SGIP1: variants seen among roughly 807,000 people sequenced by gnomAD.
The protein encoded by SGIP1 is SH3-containing GRB2-like protein 3-interacting protein 1.
SGIP1 carries 38 observed loss-of-function variants against 107.5 expected under a neutral mutation model. The ratio of observed to expected loss-of-function variants is 0.35; its 90% CI spans 0.27 to 0.46. The LOEUF (loss-of-function observed/expected upper bound fraction) is 0.46, where lower values mean the gene tolerates loss of function less well. SGIP1 is among the 20% of genes least tolerant of loss of function. The pLI, the probability that SGIP1 is intolerant of heterozygous loss-of-function variation, is 1.00. For synonymous variants in SGIP1, 365 were observed against 366.1 expected, an observed-to-expected ratio of 1.00 and a Z score of 0.03; for missense variants, 929 against 1,019.5, an observed-to-expected ratio of 0.91 and a Z score of 1.21.
intron 1 of SGIP1, among the ~76,000 whole-genome samples, chr1:66,550,365 T>G (rs1158009890): frequency 6.6e-6 from 1 of 152,184 alleles, no homozygotes; most frequent in African/African-American, 2.4e-5. Context: ...AAGTTTCTCA[T>G]AACTGGCTTT....
intron 19 of SGIP1, among the ~76,000 whole-genome samples, chr1:66,728,648 C>T (rs1036548206): frequency 1.3e-5 from 2 of 152,130 alleles, no homozygotes; most frequent in Non-Finnish European, 2.9e-5. Context: ...AAGACACATG[C>T]ATTGGTATGT....
intron 7 of SGIP1, among the ~76,000 whole-genome samples, chr1:66,658,173 G>T (rs564294304): frequency 1.1e-4 from 16 of 152,218 alleles, no homozygotes; most frequent in African/African-American, 3.6e-4. Context: ...TTTAGAAAAG[G>T]CTGAGAAATT....
chr1:66,728,671 T>C (rs1233833079), intron 19 of SGIP1, among the ~76,000 whole-genome samples: 1 of 152,156 alleles, frequency 6.6e-6, no homozygotes, highest in African/African-American at 2.4e-5. Context: ...ATTGCAGTAC[T>C]CTTCACAATA....
At chr1:66,641,227 C>T (rs1301513628) in intron 5 of SGIP1, among the ~76,000 whole-genome samples, 1 of 152,078 alleles carries the variant, frequency 6.6e-6, no homozygotes, top group Non-Finnish European at 1.5e-5. Context: ...AAAAGGGCAA[C>T]TATGGAAGGT....
At chr1:66,696,676 C>T (rs2090986397) in intron 18 of SGIP1, among the ~76,000 whole-genome samples, 1 of 152,190 alleles carries the variant, frequency 6.6e-6, no homozygotes, top group Non-Finnish European at 1.5e-5. Context: ...ATTTCTCAAA[C>T]ATCCTGATTT....
intron 17 of SGIP1, among the ~76,000 whole-genome samples, chr1:66,693,570 T>C (rs551420416): frequency 1.8e-4 from 28 of 152,374 alleles, no homozygotes; most frequent in African/African-American, 6.5e-4. Context: ...CATTTTTCTT[T>C]CTTACTGGTC....
chr1:66,665,582 C>T (rs1191699520), intron 8 of SGIP1, among the ~76,000 whole-genome samples: 5 of 152,188 alleles, frequency 3.3e-5, no homozygotes, highest in Non-Finnish European at 7.3e-5. Context: ...ATTTACACTC[C>T]CACCAACAGT....
chr1:66,600,011 C>T (rs2065462628), intron 1 of SGIP1, among the ~76,000 whole-genome samples: 1 of 152,148 alleles, frequency 6.6e-6, no homozygotes. Flanking sequence ...CCAATGAATG[C>T]TGATAGAACC....
At chr1:66,563,059 T>C (rs1011956621) in intron 1 of SGIP1, among the ~76,000 whole-genome samples, 3 of 151,888 alleles carry the variant, frequency 2.0e-5, no homozygotes, top group Non-Finnish European at 4.4e-5. Flanking sequence ...GCAAGAGCAT[T>C]GCCCTGAATT....
At chr1:66,670,481 A>G (rs1003141943) in intron 9 of SGIP1, among the ~76,000 whole-genome samples, 3 of 152,226 alleles carry the variant, frequency 2.0e-5, no homozygotes, top group Non-Finnish European at 4.4e-5. Context: ...AGTTCATTCA[A>G]TGGCAGATAG....
At chr1:66,548,132 G>T (rs969437478) in intron 1 of SGIP1, among the ~76,000 whole-genome samples, 7 of 152,150 alleles carry the variant, frequency 4.6e-5, no homozygotes, top group African/African-American at 1.4e-4. Flanking sequence ...AGAGGGTGAA[G>T]GAGAAGGTCA....
intron 7 of SGIP1, among the ~76,000 whole-genome samples, chr1:66,645,520 C>A (rs889949559): frequency 6.6e-6 from 1 of 152,166 alleles, no homozygotes; most frequent in Non-Finnish European, 1.5e-5. Flanking sequence ...AGAGTGACCT[C>A]GGAGTTACTC....
intron 1 of SGIP1, among the ~76,000 whole-genome samples, chr1:66,538,465 C>T (rs2054131458): frequency 6.6e-6 from 1 of 152,074 alleles, no homozygotes; most frequent in Non-Finnish European, 1.5e-5. Context: ...TGTCAGGGGT[C>T]ATCTTTATAC....
chr1:66,687,605 G>A (rs574053867), intron 15 of SGIP1, among the ~76,000 whole-genome samples: 2 of 152,182 alleles, frequency 1.3e-5, no homozygotes, highest in Non-Finnish European at 2.9e-5. Flanking sequence ...GCATTTAAGA[G>A]CGTGAGCTTT....
chr1:66,681,802 T>C, intron 14 of SGIP1, 67 bp from the exon 15 acceptor site: 1 of 1,512,300 alleles, frequency 6.6e-7, no homozygotes, highest in Non-Finnish European at 8.9e-7. Context: ...AGTCTTTGCC[T>C]CCCTCCCTCA....
chr1:66,677,525 G>A (rs1182276705), intron 13 of SGIP1, among the ~76,000 whole-genome samples: 1 of 152,204 alleles, frequency 6.6e-6, no homozygotes, highest in African/African-American at 2.4e-5. Flanking sequence ...ACATTGATAG[G>A]AAAGAGTGAC....
chr1:66,680,483 C>T (rs1432627525), intron 14 of SGIP1, among the ~76,000 whole-genome samples: 1 of 152,216 alleles, frequency 6.6e-6, no homozygotes, highest in Non-Finnish European at 1.5e-5. Context: ...CAGCTTCATC[C>T]TTTGCTATTT....
chr1:66,633,706 C>T (rs1363889861), intron 3 of SGIP1, among the ~76,000 whole-genome samples: 4 of 151,938 alleles, frequency 2.6e-5, no homozygotes, highest in South Asian at 2.1e-4. Flanking sequence ...TAGATTTATC[C>T]GAGTTGTGCT....
chr1:66,673,033 G>A (rs2084221552), intron 11 of SGIP1, among the ~76,000 whole-genome samples: 1 of 151,900 alleles, frequency 6.6e-6, no homozygotes, highest in Non-Finnish European at 1.5e-5. Context: ...TTTCTATTGG[G>A]TGAGCACCTC....
Sources: allele counts gnomAD v4.1 joint callset (sites outside exome capture counted in the v4.1 genomes callset), GRCh38; gene constraint gnomAD v4.1.1; transcripts MANE v1.5; gene names NCBI Gene and HGNC (gene_info 2026-07-23, HGNC 2026-07-21).